CELF2: variants seen among roughly 807,000 people sequenced by gnomAD.
CELF2 encodes CUGBP Elav-like family member 2.
CELF2 carries 8 observed loss-of-function variants against 62.6 expected under a neutral mutation model. The observed-to-expected ratio is 0.13, with a 90% CI of 0.07 to 0.23. CELF2 has a LOEUF of 0.23. CELF2 is among the 10% of genes least tolerant of loss of function. CELF2 has a pLI of 1.00. For missense variants in CELF2, 333 were observed against 671.0 expected, an observed-to-expected ratio of 0.50 and a Z score of 5.56; for synonymous variants, 258 against 250.0, an observed-to-expected ratio of 1.03 and a Z score of -0.30.
intron 7 of CELF2, among the ~76,000 whole-genome samples, chr10:11,274,442 C>T (rs969344979): frequency 2.0e-4 from 30 of 152,314 alleles, no homozygotes; most frequent in East Asian, 1.7e-3. Context: ...ACATTTACAA[C>T]GCGTGACTTC....
chr10:10,567,873 C>G, the CELF2 span, among the ~76,000 whole-genome samples: 10 of 152,222 alleles, frequency 6.6e-5, no homozygotes, highest in Middle Eastern at 6.8e-3. Context: ...GGGTCTAAAA[C>G]AGCATTTTGG....
At chr10:11,253,148 C>T (rs2077633000) in intron 4 of CELF2, among the ~76,000 whole-genome samples, 1 of 152,188 alleles carries the variant, frequency 6.6e-6, no homozygotes, top group Admixed American at 6.5e-5. Flanking sequence ...GCTGTGCTCA[C>T]TCTGATGTCT....
chr10:11,078,812 C>T (rs2072979350), intron 1 of CELF2, among the ~76,000 whole-genome samples: 1 of 152,188 alleles, frequency 6.6e-6, no homozygotes, highest in Non-Finnish European at 1.5e-5. Flanking sequence ...CTTTGGCTGT[C>T]CAGTGGTTGC....
intron 2 of CELF2, among the ~76,000 whole-genome samples, chr10:11,187,687 T>A (rs914848951): frequency 3.3e-5 from 5 of 152,194 alleles, no homozygotes; most frequent in Non-Finnish European, 7.3e-5. Flanking sequence ...TGTTTTAGAG[T>A]ATTTGTTACA....
the CELF2 span, among the ~76,000 whole-genome samples, chr10:10,695,455 C>A: frequency 6.6e-6 from 1 of 150,572 alleles, no homozygotes; most frequent in Non-Finnish European, 1.5e-5. Context: ...TCCTTCATTT[C>A]AACTTTGGTG....
chr10:10,698,036 C>T, the CELF2 span, among the ~76,000 whole-genome samples: 13 of 152,118 alleles, frequency 8.5e-5, 1 homozygote, highest in Admixed American at 3.9e-4. Context: ...TGAGGTGATC[C>T]GCCCACTTCA....
intron 8 of CELF2, among the ~76,000 whole-genome samples, chr10:11,276,559 C>T (rs995704659): frequency 3.3e-5 from 5 of 152,186 alleles, no homozygotes; most frequent in Non-Finnish European, 5.9e-5. Flanking sequence ...AGAAAACCTC[C>T]TGATTGCAAG....
At chr10:11,225,689 G>C (rs138801072) in intron 3 of CELF2, among the ~76,000 whole-genome samples, 2 of 152,308 alleles carry the variant, frequency 1.3e-5, no homozygotes, top group East Asian at 1.9e-4. Context: ...GAACGAGTCA[G>C]TTTATTTCCT....
chr10:11,067,895 A>G (rs1039360006), intron 1 of CELF2, among the ~76,000 whole-genome samples: 1 of 152,238 alleles, frequency 6.6e-6, no homozygotes, highest in Admixed American at 6.5e-5. Context: ...GATTTTGAGA[A>G]TTAAAACAGA....
At chr10:10,646,444 G>T in the CELF2 span, among the ~76,000 whole-genome samples, 2 of 152,152 alleles carry the variant, frequency 1.3e-5, no homozygotes, top group Admixed American at 6.6e-5. Flanking sequence ...GCTTCACTTG[G>T]TTTTTTGCAC....
At chr10:10,711,595 C>A in the CELF2 span, among the ~76,000 whole-genome samples, 1 of 152,096 alleles carries the variant, frequency 6.6e-6, no homozygotes, top group Admixed American at 6.6e-5. Context: ...AAAATAGAGG[C>A]AGGGGTGCAG....
chr10:10,813,480 T>A (rs1444634217), intron 1 of CELF2, among the ~76,000 whole-genome samples: 1 of 152,248 alleles, frequency 6.6e-6, no homozygotes, highest in Non-Finnish European at 1.5e-5. Context: ...AGTGAAAGAT[T>A]TTGTGAACTG....
intron 1 of CELF2, among the ~76,000 whole-genome samples, chr10:11,122,065 G>A (rs1436330359): frequency 3.9e-5 from 6 of 152,178 alleles, no homozygotes; most frequent in Non-Finnish European, 7.3e-5. Flanking sequence ...ATATAATTGA[G>A]GCATCTCTGG....
intron 1 of CELF2, among the ~76,000 whole-genome samples, chr10:11,113,892 T>C (rs2143322140): frequency 6.6e-6 from 1 of 152,358 alleles, no homozygotes; most frequent in Non-Finnish European, 1.5e-5. Flanking sequence ...TCTGTTCATT[T>C]TGATAGACTT....
At position 11,314,518 on chromosome 10, in the gene CELF2, G is replaced by A; in HGVS notation, c.1096+260G>A. On this transcript the variant is annotated intron_variant, in intron 10 of 12. Coordinates refer to ENST00000633077, the MANE Select transcript of CELF2 (RefSeq NM_001326342.2). The surrounding 1 kb of genome is among the most constrained non-coding windows in gnomAD (Gnocchi z 5.3). ...TGCTCATCCATGGGGTTCTGTGGCT[G>A]GCAGCTCTTTTCAGGTTTCCAGGAG... is the stretch of plus-strand genomic sequence containing the variant. 3.9e-6 allele frequency: 2 copies of A among 514,038 alleles called. No individual in the cohort carries two copies. Among genetic ancestry groups the A allele is most frequent in the Non-Finnish European group, 7.2e-6 (2 of 279,604 alleles). The allele number at this position is 514,038 out of a possible 1,614,324, so 31.8% of individuals were successfully genotyped here. A position where few individuals can be genotyped will look rare whatever the true frequency, so the allele number is the denominator to read the frequency against.
intron 1 of CELF2, among the ~76,000 whole-genome samples, chr10:11,150,475 C>A (rs1021354425): frequency 1.3e-5 from 2 of 152,136 alleles, no homozygotes; most frequent in Non-Finnish European, 2.9e-5. Context: ...TGTTTGATTG[C>A]CCTTATATAA....
At chr10:10,694,302 T>G in the CELF2 span, among the ~76,000 whole-genome samples, 1 of 151,824 alleles carries the variant, frequency 6.6e-6, no homozygotes, top group Non-Finnish European at 1.5e-5. Context: ...GTTGTTCAGT[T>G]TCCATGTAGT....
the CELF2 span, among the ~76,000 whole-genome samples, chr10:10,652,723 T>C: frequency 2.2e-3 from 329 of 151,502 alleles, 4 homozygotes; most frequent in East Asian, 0.024. Context: ...CTGAAGGAAG[T>C]GCTAAACATG....
the CELF2 span, among the ~76,000 whole-genome samples, chr10:10,478,498 G>C: frequency 6.6e-6 from 1 of 151,706 alleles, no homozygotes. Flanking sequence ...TTGTTTTGGA[G>C]AAAAAAAATC....
Sources: gnomAD v4.1 joint callset for allele counts (sites outside exome capture counted in the v4.1 genomes callset) on GRCh38, gnomAD v4.1.1 for gene constraint, Gnocchi (gnomAD v3.1) non-coding constraint, MANE v1.5 for transcripts, NCBI Gene and HGNC (gene_info 2026-07-23, HGNC 2026-07-21) for gene names.